Variants in DPP8 observed in about 807,000 individuals in gnomAD.
DPP8 encodes the protein DPP VIII.
In DPP8, 31 loss-of-function variants were observed where a neutral mutation model predicts 107.5. That is an observed-to-expected ratio of 0.29 (90% CI 0.22 to 0.39). The LOEUF (loss-of-function observed/expected upper bound fraction) is 0.39. Among genes scored for constraint, DPP8 ranks in the 10% least tolerant of loss-of-function variants. The pLI is 1.00. For missense variants in DPP8, 842 were observed against 1,076.1 expected (o/e 0.78, Z 3.04); for synonymous variants, 381 against 356.6 (o/e 1.07, Z -0.77).
intron 14 of DPP8, 92 bp from the exon 15 acceptor site, chr15:65,463,998 C>T (rs2065128440): frequency 1.0e-6 from 1 of 962,772 alleles, no homozygotes; most frequent in Admixed American, 2.9e-5. Flanking sequence ...AAAGTCAGCC[C>T]CGCCAACACA....
chr15:65,456,515 T>A, intron 15 of DPP8, 144 bp from the exon 16 acceptor site: 1 of 872,490 alleles, frequency 1.1e-6, no homozygotes, highest in Non-Finnish European at 1.7e-6. Context: ...CTTTTTAAAT[T>A]AACAAGTCTG....
At chr15:65,483,622 A>C (rs529892530) in intron 8 of DPP8, among the ~76,000 whole-genome samples, 155 of 151,306 alleles carry the variant, frequency 1.0e-3, no homozygotes, top group African/African-American at 3.6e-3. Flanking sequence ...AATAAAATAA[A>C]ATAAAATAAA....
chr15:65,512,093 A>G, intron 2 of DPP8: 1 of 711,038 alleles, frequency 1.4e-6, no homozygotes, highest in Non-Finnish European at 2.5e-6. Context: ...ATCATGATCA[A>G]TTAATGACTT....
At position 65,512,512 on chromosome 15, in the gene DPP8, T is replaced by C; in HGVS notation, c.42A>G (p.Ile14Met). ...TCTCCTCACAGTCCGCAGTTTCAAA[T>C]ATCTCAACACCCAGCTGTTCTGTTT... Reference protein sequence around the residue: ...AMETEQLGVEIFETADCEENI... With the variant: ...AMETEQLGVEMFETADCEENI... The change falls in exon 2 of 20, where the codon ATA becomes ATG. Residue 14 changes from isoleucine (I) to methionine (M), a missense_variant. By Grantham distance (10) the Ile-to-Met change is conservative. Transcript: ENST00000300141. The C allele has an allele frequency of 6.2e-7, 1 of 1,614,178 alleles. No individual in the cohort carries two copies. Among genetic ancestry groups the C allele is most frequent in the Non-Finnish European group, 8.5e-7 (1 of 1,180,030 alleles).
chr15:65,475,440 C>A, intron 11 of DPP8: 1 of 1,570,178 alleles, frequency 6.4e-7, no homozygotes, highest in South Asian at 1.1e-5. Context: ...TTATGGCATT[C>A]AGGGAGCCAG....
In DPP8 at chr15:65,445,372, A is replaced by G. The variant is rs759155789; in HGVS notation, c.*1512T>C. 1 of 152,340 alleles carries G rather than the reference A, an allele frequency of 6.6e-6. No individual in the cohort carries two copies. Among genetic ancestry groups the G allele is most frequent in the African/African-American group, 2.4e-5 (1 of 41,454 alleles). 9.4% of individuals were successfully genotyped at this position (152,340 alleles called of 1,614,324 possible). A position where few individuals can be genotyped will look rare whatever the true frequency, so the allele number is the denominator to read the frequency against. The stretch of plus-strand genomic sequence containing the variant: ...GTGTGTGATAAAAAGCATCAAACTC[A>G]TAGATGCCTTCCCTGCCACTGGTGT... On this transcript the variant is annotated 3_prime_UTR_variant, in exon 20 of 20. Transcript: ENST00000300141.
In DPP8 at chr15:65,473,957, A is replaced by T. The variant is rs569598492; in HGVS notation, c.1536+252T>A. On this transcript the variant is annotated intron_variant, in intron 12 of 19. Coordinates refer to ENST00000300141, the MANE Select transcript of DPP8 (RefSeq NM_130434.5). The stretch of plus-strand genomic sequence containing the variant: ...TGTCTACTAAAGATACAAAAAAATT[A>T]GCCGGGCGTGGTGGCACATGCCTGT... Among the ~76,000 whole-genome samples, 5 of 152,250 alleles carry T rather than the reference A, an allele frequency of 3.3e-5. No homozygotes were observed. In the South Asian group the frequency reaches 8.3e-4, roughly 25 times the overall value.
At chr15:65,462,111 G>A (rs939155918) in intron 15 of DPP8, among the ~76,000 whole-genome samples, 2 of 151,984 alleles carry the variant, frequency 1.3e-5, no homozygotes, top group African/African-American at 4.8e-5. Context: ...TGGGATTACA[G>A]GTGTCTGCCA....
chr15:65,485,219 G>T, intron 7 of DPP8, 59 bp from the exon 8 acceptor site: 1 of 1,320,738 alleles, frequency 7.6e-7, no homozygotes, highest in Non-Finnish European at 1.1e-6. Flanking sequence ...AATTAATTTT[G>T]CCAGATCAAT....
At chr15:65,511,550 G>A (rs1311795216) in intron 2 of DPP8, among the ~76,000 whole-genome samples, 2 of 150,790 alleles carry the variant, frequency 1.3e-5, no homozygotes, top group Non-Finnish European at 2.9e-5. Flanking sequence ...CAGCTTGGGA[G>A]GACTGTTTGA....
intron 3 of DPP8, among the ~76,000 whole-genome samples, chr15:65,506,052 G>A (rs2069938413): frequency 6.6e-6 from 1 of 151,502 alleles, no homozygotes; most frequent in African/African-American, 2.4e-5. Flanking sequence ...CTCGGCCAAG[G>A]CCGGTGCGGT....
At chr15:65,450,874 C>A in intron 19 of DPP8, 125 bp downstream of exon 19, 1 of 623,554 alleles carries the variant, frequency 1.6e-6, no homozygotes, top group Non-Finnish European at 2.8e-6. Flanking sequence ...ATGCCTCTTA[C>A]TTTAGTTCTC....
chr15:65,474,129 T>C, intron 12 of DPP8, 80 bp downstream of exon 12: 4 of 1,077,222 alleles, frequency 3.7e-6, no homozygotes, highest in Non-Finnish European at 5.7e-6. Context: ...CGGGGTCATA[T>C]TAAATTACAT....
intron 17 of DPP8, 22 bp from the exon 18 acceptor site, chr15:65,452,124 G>A (rs1207725112): frequency 1.3e-6 from 2 of 1,589,152 alleles, no homozygotes; most frequent in Admixed American, 1.9e-5. Context: ...GACATTGACA[G>A]TCAAGTGTGG....
intron 5 of DPP8, among the ~76,000 whole-genome samples, chr15:65,494,701 A>C (rs989229306): frequency 6.6e-6 from 1 of 151,060 alleles, no homozygotes; most frequent in Non-Finnish European, 1.5e-5. Context: ...AAACAGATTT[A>C]CTAACTACCA....
intron 4 of DPP8, among the ~76,000 whole-genome samples, chr15:65,499,587 C>T (rs1356907665): frequency 6.6e-6 from 1 of 151,640 alleles, no homozygotes; most frequent in Non-Finnish European, 1.5e-5. Flanking sequence ...TTTTTTAAGA[C>T]AGGGACTTGC....
rs2063494859 is a variant in DPP8, at chr15:65,446,284, C to T, written c.*600G>A. 6.6e-6 allele frequency: 1 copy of T among 152,240 alleles called. No homozygotes were observed. Among genetic ancestry groups the T allele is most frequent in the Non-Finnish European group, 1.5e-5 (1 of 68,008 alleles). 9.4% of individuals were successfully genotyped at this position (152,240 alleles called of 1,614,324 possible). A position where few individuals can be genotyped will look rare whatever the true frequency, so the allele number is the denominator to read the frequency against. The stretch of plus-strand genomic sequence containing the variant: ...AGATACAGATTAAATTGGCTAAAAA[C>T]TGGTCAGTGCCAAAACAAGTGTCTT... On this transcript the variant is annotated 3_prime_UTR_variant, in exon 20 of 20. Transcript: ENST00000300141.
intron 19 of DPP8, among the ~76,000 whole-genome samples, chr15:65,448,659 G>A (rs184903654): frequency 0.021 from 1,593 of 75,114 alleles, 52 homozygotes; most frequent in African/African-American, 0.083. Context: ...GTGACAGAGC[G>A]AAACTCCATC....
At chr15:65,467,738 A>G (rs1268004428) in intron 12 of DPP8, among the ~76,000 whole-genome samples, 1 of 152,204 alleles carries the variant, frequency 6.6e-6, no homozygotes, top group Non-Finnish European at 1.5e-5. Context: ...CCTGAGTTAC[A>G]CACTGTATAG....
Sources: allele counts gnomAD v4.1 joint callset (sites outside exome capture counted in the v4.1 genomes callset), GRCh38; gene constraint gnomAD v4.1.1; transcripts MANE v1.5; gene names NCBI Gene and HGNC (gene_info 2026-07-23, HGNC 2026-07-21).